ADCY9: variants seen among roughly 807,000 people sequenced by gnomAD.
ADCY9 encodes adenylate cyclase 9, also known as adenylate cyclase type 9.
Under a neutral mutation model 101.5 loss-of-function variants are expected in ADCY9, and 50 were observed. That is an observed-to-expected ratio of 0.49 (90% CI 0.39 to 0.62). The LOEUF is 0.62. ADCY9 is among the 20% of genes least tolerant of loss of function. ADCY9 has a pLI of 0.00. For synonymous variants in ADCY9, 905 were observed against 769.3 expected, an observed-to-expected ratio of 1.18 and a Z score of -2.92; for missense variants, 1,662 against 1,800.4, an observed-to-expected ratio of 0.92 and a Z score of 1.39.
chr16:3,991,372 C>G (rs576908340), intron 5 of ADCY9, among the ~76,000 whole-genome samples: 1 of 152,246 alleles, frequency 6.6e-6, no homozygotes, highest in South Asian at 2.1e-4. Flanking sequence ...CACGGCATCC[C>G]TTCTGCAGTC....
At chr16:4,005,485 G>A (rs77152676) in intron 3 of ADCY9, among the ~76,000 whole-genome samples, 2,241 of 152,226 alleles carry the variant, frequency 0.015, 42 homozygotes, top group East Asian at 0.084. Context: ...CACCTCGGCC[G>A]CCCACAGCAC....
Position 3,986,658 on chromosome 16 carries a change from A to G in ADCY9, c.2310+2336T>C, listed in dbSNP as rs1187832105. 2.0e-5 allele frequency among the ~76,000 whole-genome samples: 3 copies of G among 151,926 alleles called. No individual in the cohort carries two copies. In the East Asian group the frequency reaches 5.8e-4, roughly 29 times the overall value. On this transcript the variant is annotated intron_variant, in intron 6 of 10. Transcript: ENST00000294016. ...TTTTTAGTAGAGACGGGGTTTCACTATGTTGGCCAGGCTGGTCTCGAACTC... is the reference window on the plus strand; with the variant it reads ...TTTTTAGTAGAGACGGGGTTTCACTGTGTTGGCCAGGCTGGTCTCGAACTC...
At position 3,965,678 on chromosome 16, in the gene ADCY9, G is replaced by T; in HGVS notation, c.*97C>A. The T allele has an allele frequency of 8.8e-7, 1 of 1,136,000 alleles. No homozygotes were observed. Among genetic ancestry groups the T allele is most frequent in the Non-Finnish European group, 1.3e-6 (1 of 793,616 alleles). 70.4% of individuals were successfully genotyped at this position (1,136,000 alleles called of 1,614,324 possible). On this transcript the variant is annotated 3_prime_UTR_variant, in exon 11 of 11. Coordinates refer to ENST00000294016, the MANE Select transcript of ADCY9 (RefSeq NM_001116.4). ...AATGACCACATAACACCACGTCCGG[G>T]GAGGGCAACTGTGGCGCTTGGAAAG...
intron 3 of ADCY9, among the ~76,000 whole-genome samples, chr16:3,995,902 G>A (rs1248778284): frequency 1.3e-5 from 2 of 152,066 alleles, no homozygotes; most frequent in African/African-American, 2.4e-5. Flanking sequence ...AACAGCTAGC[G>A]AAATCATTAA....
chr16:4,024,726 G>A (rs1321501382), intron 2 of ADCY9, among the ~76,000 whole-genome samples: 1 of 152,142 alleles, frequency 6.6e-6, no homozygotes, highest in Non-Finnish European at 1.5e-5. Context: ...AGAACCGACA[G>A]GATGTGAACA....
At position 3,979,126 on chromosome 16, in the gene ADCY9, G is replaced by A. The variant is rs2056118099; in HGVS notation, c.2669C>T (p.Thr890Ile). The stretch of plus-strand genomic sequence containing the variant: ...TGAGCCTTTACTTACGTGTATGTTG[G>A]TCTCATATTCGGAGGTGACATGGGA... ...VYSHVTSEYE[T>I]NIHFPVFTGS... Residue 890 changes from threonine (T) to isoleucine (I), a missense_variant, in exon 8 of 11, where the codon ACC (threonine) becomes ATC (isoleucine). By Grantham distance (89) the Thr-to-Ile change is moderately conservative. Transcript: ENST00000294016. 5 of 1,614,226 alleles carry A rather than the reference G, an allele frequency of 3.1e-6. No individual in the cohort carries two copies. In the African/African-American group the frequency reaches 6.7e-5, roughly 22 times the overall value.
intron 8 of ADCY9, 34 bp downstream of exon 8, chr16:3,979,082 A>T (rs889555322): frequency 6.2e-7 from 1 of 1,612,298 alleles, no homozygotes; most frequent in Non-Finnish European, 8.5e-7. Flanking sequence ...AGTCCAGGAG[A>T]GCGTGGAAAT....
chr16:3,960,038 TAAATA>T (rs565798592), downstream of ADCY9, among the ~76,000 whole-genome samples: 4 of 150,658 alleles, frequency 2.7e-5, no homozygotes, highest in Admixed American at 6.6e-5. Context: ...AAAAAATAAA[TAAATA>T]AAATAAAAAC....
In ADCY9 at chr16:3,956,875, C is replaced by T. The variant is rs117587775; in HGVS notation, c.568-3359G>A. On this transcript the variant is annotated intron_variant, in intron 5 of 5. Transcript: ENST00000576936. ...TATGACCATTTGGATAATTTGGTTA[C>T]TCTGTAGACACCGAGTTGAGGATTT... Among the ~76,000 whole-genome samples, 988 of 152,198 alleles carry T rather than the reference C, an allele frequency of 6.5e-3. 10 individuals are homozygous for T. Among genetic ancestry groups the T allele is most frequent in the Non-Finnish European group, 0.011 (744 of 68,018 alleles).
At chr16:3,989,600 G>A (rs776747144) in intron 5 of ADCY9, among the ~76,000 whole-genome samples, 6 of 152,266 alleles carry the variant, frequency 3.9e-5, no homozygotes, top group South Asian at 2.1e-4. Flanking sequence ...GGCTGGTCTC[G>A]AACTCCTGGG....
At chr16:4,103,278 T>A (rs951387669) in intron 2 of ADCY9, among the ~76,000 whole-genome samples, 1 of 152,192 alleles carries the variant, frequency 6.6e-6, no homozygotes, top group African/African-American at 2.4e-5. Context: ...GTACTCAAAG[T>A]GTGATCCGCA....
At position 4,033,432 on chromosome 16, in the gene ADCY9, ATTT is replaced by A. The variant is rs71133683; in HGVS notation, c.1694-25877_1694-25875del. ...CCCTCAGCAGTCTCTCCTTGAAGTA[ATTT>A]TTTTTTTTTTTTTTTTTGAGACGGA... is the stretch of plus-strand genomic sequence containing the variant. On this transcript the variant is annotated intron_variant, in intron 2 of 10. Coordinates refer to ENST00000294016, the MANE Select transcript of ADCY9 (RefSeq NM_001116.4). 5.0e-3 allele frequency among the ~76,000 whole-genome samples: 624 copies of A among 125,912 alleles called. 2 individuals carry two copies. Among genetic ancestry groups the A allele is most frequent in the Middle Eastern group, 0.016 (4 of 246 alleles). 82.6% of individuals were successfully genotyped at this position (125,912 alleles called of 152,430 possible). A position where few individuals can be genotyped will look rare whatever the true frequency, so the allele number is the denominator to read the frequency against.
At chr16:3,955,393 C>T (rs1238176759) in intron 5 of ADCY9, among the ~76,000 whole-genome samples, 4 of 152,162 alleles carry the variant, frequency 2.6e-5, no homozygotes, top group African/African-American at 9.7e-5. Flanking sequence ...TGCACCTTAT[C>T]TTCTTAGCTC....
Position 3,963,286 on chromosome 16 carries a change from T to C in ADCY9, c.*2489A>G, listed in dbSNP as rs1286621915. ...TATTGCCACCCTGAAGCACGACCCA[T>C]GCCGTCAGCAGCCCTCGTGCCAGCT... On this transcript the variant is annotated 3_prime_UTR_variant, in exon 11 of 11. Coordinates refer to ENST00000294016, the MANE Select transcript of ADCY9 (RefSeq NM_001116.4). 5.0e-6 allele frequency: 2 copies of C among 398,598 alleles called. No individual in the cohort carries two copies. The highest frequency in any genetic ancestry group is 2.1e-5 in the African/African-American group (1 of 48,542). 24.7% of individuals were successfully genotyped at this position (398,598 alleles called of 1,614,324 possible).
chr16:4,075,926 T>C (rs2056864337), intron 2 of ADCY9, among the ~76,000 whole-genome samples: 1 of 152,224 alleles, frequency 6.6e-6, no homozygotes, highest in African/African-American at 2.4e-5. Context: ...GAAGAGTTCA[T>C]AGGGGTTCTA....
intron 2 of ADCY9, among the ~76,000 whole-genome samples, chr16:4,047,425 C>G (rs1285341108): frequency 2.7e-5 from 4 of 150,480 alleles, no homozygotes; most frequent in Non-Finnish European, 4.4e-5. Context: ...TGTGGTTTCT[C>G]TAGTTAAGGG....
chr16:4,010,397 A>G (rs2056395976), intron 2 of ADCY9, among the ~76,000 whole-genome samples: 1 of 152,246 alleles, frequency 6.6e-6, no homozygotes. Flanking sequence ...ACGGCAGTCC[A>G]CGGGGAGCAC....
chr16:4,011,161 G>C (rs2056401984), intron 2 of ADCY9, among the ~76,000 whole-genome samples: 1 of 152,198 alleles, frequency 6.6e-6, no homozygotes, highest in African/African-American at 2.4e-5. Flanking sequence ...CCAGGGGCGG[G>C]GGTGGCTGAC....
At chr16:4,076,130 G>A (rs538879601) in intron 2 of ADCY9, among the ~76,000 whole-genome samples, 1 of 152,276 alleles carries the variant, frequency 6.6e-6, no homozygotes, top group South Asian at 2.1e-4. Flanking sequence ...CGAGTTCGAG[G>A]CTGCAGTGCG....
Sources: gnomAD v4.1 joint callset for allele counts (sites outside exome capture counted in the v4.1 genomes callset) on GRCh38, gnomAD v4.1.1 for gene constraint, MANE v1.5 for transcripts, NCBI Gene and HGNC (gene_info 2026-07-23, HGNC 2026-07-21) for gene names.